The following DIS3L2 variants were observed in gnomAD, a reference collection of about 807,000 sequenced individuals.
DIS3L2 encodes DIS3-like exonuclease 2.
In DIS3L2, 34 loss-of-function variants were observed where a neutral mutation model predicts 97.5. That is an observed-to-expected ratio of 0.35 (90% CI 0.27 to 0.46). The LOEUF (loss-of-function observed/expected upper bound fraction) is 0.46, where lower values mean the gene tolerates loss of function less well. DIS3L2 is among the 20% of genes least tolerant of loss of function. The probability of loss-of-function intolerance (pLI) is 1.00; values close to 1 mark genes in which losing one functional copy is unlikely to be tolerated. For synonymous variants in DIS3L2, 435 were observed against 445.2 expected (o/e 0.98, Z 0.29); for missense variants, 1,038 against 1,146.0 (o/e 0.91, Z 1.36).
intron 9 of DIS3L2, chr2:232,172,703 A>T (rs750618789): frequency 7.5e-6 from 4 of 534,452 alleles, no homozygotes; most frequent in Non-Finnish European, 1.5e-5. Context: ...TAATTGTGAA[A>T]CTGTTTTTCA....
chr2:232,267,773 C>A (rs72998125), intron 13 of DIS3L2, among the ~76,000 whole-genome samples: 2,250 of 152,296 alleles, frequency 0.015, 21 homozygotes, highest in Non-Finnish European at 0.022. Context: ...ACTTCTGCTT[C>A]TTGGGACACG....
chr2:232,033,549 G>C (rs549999689), intron 5 of DIS3L2, among the ~76,000 whole-genome samples: 1 of 152,048 alleles, frequency 6.6e-6, no homozygotes, highest in Non-Finnish European at 1.5e-5. Flanking sequence ...GTCTTGTGCC[G>C]GTTTTCAAAG....
At chr2:232,136,331 A>G (rs1013008744) in intron 7 of DIS3L2, 141 bp from the exon 8 acceptor site, 6 of 1,006,770 alleles carry the variant, frequency 6.0e-6, no homozygotes, top group Middle Eastern at 3.2e-4. Flanking sequence ...TAAGTCACAG[A>G]TCATCACTGA....
intron 14 of DIS3L2, among the ~76,000 whole-genome samples, chr2:232,319,461 C>G (rs1303109380): frequency 6.6e-6 from 1 of 152,250 alleles, no homozygotes; most frequent in African/African-American, 2.4e-5. Flanking sequence ...AGCACAGTTA[C>G]TCTCCATCTT....
chr2:232,336,453 G>C lies in DIS3L2; in HGVS notation c.2497-16G>C. ...GCCCTGCCATCCTTGTCCCCTCACG[G>C]CTGGGCTCTGCACAGGTCATCACCA... On this transcript the variant is annotated splice_polypyrimidine_tract_variant and intron_variant, in intron 20 of 20. Transcript: ENST00000325385. 2 of 1,605,070 alleles carry C rather than the reference G, an allele frequency of 1.2e-6. No individual in the cohort carries two copies. The highest frequency in any genetic ancestry group is 1.7e-6 in the Non-Finnish European group (2 of 1,176,626).
intron 11 of DIS3L2, 23 bp from the exon 12 acceptor site, chr2:232,249,216 A>G (rs1693349838): frequency 1.2e-6 from 2 of 1,611,822 alleles, no homozygotes; most frequent in Non-Finnish European, 1.7e-6. Context: ...AAAGGTGCTC[A>G]TGGGCCTGTG....
intron 5 of DIS3L2, among the ~76,000 whole-genome samples, chr2:232,049,321 A>G (rs151218666): frequency 5.3e-5 from 8 of 152,350 alleles, no homozygotes; most frequent in Middle Eastern, 3.4e-3. Flanking sequence ...GATTCTTTGT[A>G]CTACCAGGTT....
chr2:232,278,784 T>C (rs1215709716), intron 13 of DIS3L2, among the ~76,000 whole-genome samples: 1 of 152,228 alleles, frequency 6.6e-6, no homozygotes, highest in Non-Finnish European at 1.5e-5. Context: ...CTACAGGCTT[T>C]TGTATGACCA....
At chr2:232,057,838 T>G (rs2106271632) in intron 5 of DIS3L2, among the ~76,000 whole-genome samples, 1 of 152,346 alleles carries the variant, frequency 6.6e-6, no homozygotes, top group Non-Finnish European at 1.5e-5. Context: ...AGACTCTGTT[T>G]CCTCATCTTG....
Position 232,232,407 on chromosome 2 carries a change from T to C in DIS3L2, c.1205-6126T>C, listed in dbSNP as rs550237895. The stretch of plus-strand genomic sequence containing the variant: ...GTTTGAGAAATGGCAGGGAGAGCAA[T>C]AGGAGGTTGTTAGATATTTCTTAGA... On this transcript the variant is annotated intron_variant, in intron 10 of 20. Coordinates refer to ENST00000325385, the MANE Select transcript of DIS3L2 (RefSeq NM_152383.5). Among the ~76,000 whole-genome samples the C allele has an allele frequency of 2.8e-3, 430 of 152,110 alleles. 1 individual carries two copies. Among genetic ancestry groups the C allele is most frequent in the Non-Finnish European group, 4.7e-3 (318 of 67,978 alleles).
In DIS3L2 at chr2:232,269,294, C is replaced by T. The variant is rs1043780348; in HGVS notation, c.1659+5854C>T. The stretch of plus-strand genomic sequence containing the variant: ...CGCTTTCAAGAAATGAGCATTCCAG[C>T]TCTGCTGTTTAATATTTGTACCATA... On this transcript the variant is annotated intron_variant, in intron 13 of 20. Coordinates refer to ENST00000325385, the MANE Select transcript of DIS3L2 (RefSeq NM_152383.5). The surrounding 1 kb of genome is among the most constrained non-coding windows in gnomAD (Gnocchi z 4.5). Among the ~76,000 whole-genome samples the T allele has an allele frequency of 6.6e-6, 1 of 152,200 alleles. No homozygotes were observed. The highest frequency in any genetic ancestry group is 1.5e-5 in the Non-Finnish European group (1 of 68,036).
chr2:232,137,968 C>T (rs1218460790), intron 8 of DIS3L2, among the ~76,000 whole-genome samples: 1 of 152,160 alleles, frequency 6.6e-6, no homozygotes, highest in East Asian at 1.9e-4. Flanking sequence ...CCACCTGGTC[C>T]TGTTGATTGT....
chr2:232,334,322 C>G (rs1695868549), intron 17 of DIS3L2, 47 bp from the exon 18 acceptor site: 1 of 1,598,884 alleles, frequency 6.3e-7, no homozygotes, highest in East Asian at 2.3e-5. Context: ...CATAGCTCTT[C>G]CCAGCCCCCC....
At chr2:232,069,008 G>A (rs1695935992) in intron 5 of DIS3L2, among the ~76,000 whole-genome samples, 1 of 152,018 alleles carries the variant, frequency 6.6e-6, no homozygotes, top group South Asian at 2.1e-4. Context: ...TTAGAGACAG[G>A]GTTTCACCAT....
At chr2:232,316,319 T>C (rs1268529895) in intron 14 of DIS3L2, among the ~76,000 whole-genome samples, 2 of 152,168 alleles carry the variant, frequency 1.3e-5, no homozygotes, top group East Asian at 1.9e-4. Flanking sequence ...TATGTCCTGT[T>C]CTTTAATGGG....
At chr2:232,207,886 A>G (rs1692073745) in intron 9 of DIS3L2, among the ~76,000 whole-genome samples, 1 of 152,222 alleles carries the variant, frequency 6.6e-6, no homozygotes, top group South Asian at 2.1e-4. Flanking sequence ...TGATTAAGGA[A>G]GATTCTCTAT....
chr2:231,982,579 A>G (rs1693293004), intron 1 of DIS3L2, among the ~76,000 whole-genome samples: 1 of 151,932 alleles, frequency 6.6e-6, no homozygotes, highest in African/African-American at 2.4e-5. Flanking sequence ...CTATTATATT[A>G]CCATTTAGTG....
Position 232,321,682 on chromosome 2 carries a change from G to A in DIS3L2, c.1740-8131G>A, listed in dbSNP as rs554211282. ...GCGACTCAGACAGGAAAGGGCCTGA[G>A]CCTGAGGCAACCAGGAGGGGGCAGC... On this transcript the variant is annotated intron_variant, in intron 14 of 20. Transcript: ENST00000325385. 5.9e-5 allele frequency among the ~76,000 whole-genome samples: 9 copies of A among 152,338 alleles called. No homozygotes were observed. In the East Asian group the frequency reaches 1.7e-3, roughly 29 times the overall value.
intron 14 of DIS3L2, 28 bp from the exon 15 acceptor site, chr2:232,329,785 T>TGCCGGGGGCGCA: frequency 1.0e-6 from 1 of 967,144 alleles, no homozygotes; most frequent in Non-Finnish European, 1.5e-6. Flanking sequence ...ACCCCAGCGG[T>TGCCGGGGGCGCA]CCCTCCCATC....
Sources: allele counts gnomAD v4.1 joint callset (sites outside exome capture counted in the v4.1 genomes callset), GRCh38; gene constraint gnomAD v4.1.1; non-coding constraint Gnocchi (gnomAD v3.1); transcripts MANE v1.5; gene names NCBI Gene and HGNC (gene_info 2026-07-23, HGNC 2026-07-21).